DYM: variants seen among roughly 807,000 people sequenced by gnomAD.
DYM encodes dymeclin, also known as dyggve-Melchior-Clausen syndrome protein.
Under a neutral mutation model 93.1 loss-of-function variants are expected in DYM, and 78 were observed. The ratio of observed to expected loss-of-function variants is 0.84; its 90% confidence interval spans 0.70 to 1.01. DYM has a LOEUF of 1.01. DYM is among the 50% of genes least tolerant of loss of function. The probability of loss-of-function intolerance (pLI) is 0.00; values close to 1 mark genes in which losing one functional copy is unlikely to be tolerated. For synonymous variants in DYM, 321 were observed against 319.7 expected, an observed-to-expected ratio of 1.00 and a Z score of -0.04; for missense variants, 789 against 845.0, an observed-to-expected ratio of 0.93 and a Z score of 0.82.
chr18:49,053,445 C>T (rs1568346221), intron 17 of DYM, among the ~76,000 whole-genome samples: 1 of 152,170 alleles, frequency 6.6e-6, no homozygotes, highest in Non-Finnish European at 1.5e-5. Flanking sequence ...AATTTAAAAT[C>T]CAATAGCTAC....
At position 49,159,310 on chromosome 18, in the gene DYM, A is replaced by G. The variant is rs191704037; in HGVS notation, c.1728+4375T>C. Among the ~76,000 whole-genome samples, 4 of 152,332 alleles carry G rather than the reference A, an allele frequency of 2.6e-5. 1 individual carries two copies. Among genetic ancestry groups the G allele is most frequent in the Admixed American group, 2.0e-4 (3 of 15,302 alleles). On this transcript the variant is annotated intron_variant, in intron 15 of 17. Transcript: ENST00000675505. The stretch of plus-strand genomic sequence containing the variant: ...AAAGGATGGGGTGGAAAATAGAAAC[A>G]TCTCTGAATTTAAATTTTGTCATAT...
intron 6 of DYM, among the ~76,000 whole-genome samples, chr18:49,362,518 A>G (rs1201382408): frequency 7.2e-5 from 11 of 152,214 alleles, no homozygotes; most frequent in Admixed American, 1.3e-4. Flanking sequence ...CAGCAGCTCA[A>G]TGACATCAAA....
intron 5 of DYM, among the ~76,000 whole-genome samples, chr18:49,373,481 G>A (rs769687571): frequency 1.8e-4 from 28 of 152,148 alleles, no homozygotes; most frequent in Non-Finnish European, 2.9e-4. Context: ...GTAGCAGTAA[G>A]GATGACCAGA....
At chr18:49,447,714 T>C (rs6507909) in intron 1 of DYM, among the ~76,000 whole-genome samples, 12,158 of 152,248 alleles carry the variant, frequency 0.08, 689 homozygotes, top group African/African-American at 0.15. Context: ...TTTCCTATTG[T>C]AATCTCCTCC....
chr18:49,157,014 G>A (rs569452615), intron 15 of DYM, among the ~76,000 whole-genome samples: 4 of 152,118 alleles, frequency 2.6e-5, no homozygotes, highest in Admixed American at 2.0e-4. Flanking sequence ...CCATTTCTTT[G>A]TTCTTGGTGG....
At chr18:49,119,180 A>G (rs2082162188) in intron 15 of DYM, among the ~76,000 whole-genome samples, 1 of 152,202 alleles carries the variant, frequency 6.6e-6, no homozygotes, top group Non-Finnish European at 1.5e-5. Context: ...AGACTTACCA[A>G]TCTAGAGGGA....
intron 1 of DYM, among the ~76,000 whole-genome samples, chr18:49,453,774 T>C (rs544161292): frequency 1.2e-4 from 19 of 152,322 alleles, no homozygotes; most frequent in African/African-American, 4.6e-4. Context: ...CCGAGTTTGC[T>C]AGAACTTCTT....
chr18:49,108,091 A>C (rs1451867864), intron 16 of DYM, among the ~76,000 whole-genome samples: 3 of 152,122 alleles, frequency 2.0e-5, no homozygotes, highest in Non-Finnish European at 4.4e-5. Context: ...TTACCTACTC[A>C]AGCCTTGGCA....
At chr18:49,297,597 T>C (rs981337175) in intron 8 of DYM, among the ~76,000 whole-genome samples, 4 of 152,224 alleles carry the variant, frequency 2.6e-5, no homozygotes, top group Non-Finnish European at 5.9e-5. Context: ...ACTGTATGTA[T>C]CCCTTTTTGT....
At chr18:49,048,828 C>T (rs971530001) in intron 17 of DYM, among the ~76,000 whole-genome samples, 1 of 152,156 alleles carries the variant, frequency 6.6e-6, no homozygotes, top group Non-Finnish European at 1.5e-5. Flanking sequence ...TCCTTCCCAC[C>T]ACCTGGTACA....
At chr18:49,301,746 CTT>C (rs2060950958) in intron 8 of DYM, among the ~76,000 whole-genome samples, 1 of 152,122 alleles carries the variant, frequency 6.6e-6, no homozygotes, top group Non-Finnish European at 1.5e-5. Flanking sequence ...AATATTAGAG[CTT>C]TGTTTTTCAT....
intron 14 of DYM, among the ~76,000 whole-genome samples, chr18:49,198,597 C>T (rs918492836): frequency 1.8e-4 from 27 of 152,114 alleles, no homozygotes; most frequent in Non-Finnish European, 2.5e-4. Flanking sequence ...CAAAAGAAGA[C>T]ATTTATGCAG....
rs1025590118 is a variant in DYM, at chr18:49,189,706, G to A, written c.1625+19845C>T. Reference sequence around the variant, plus strand: ...TTCTGTAGAACCACAAATTATTACTGTATATAGAGTCAATGCACAGGTTAT... The same window carrying A: ...TTCTGTAGAACCACAAATTATTACTATATATAGAGTCAATGCACAGGTTAT... On this transcript the variant is annotated intron_variant, in intron 14 of 17. Coordinates refer to ENST00000675505, the MANE Select transcript of DYM (RefSeq NM_001353214.3). Among the ~76,000 whole-genome samples, 2 of 152,096 alleles carry A rather than the reference G, an allele frequency of 1.3e-5. 1 individual carries two copies. The highest frequency in any genetic ancestry group is 1.3e-4 in the Admixed American group (2 of 15,258).
intron 17 of DYM, among the ~76,000 whole-genome samples, chr18:49,059,396 C>T (rs777847252): frequency 2.3e-4 from 35 of 152,222 alleles, no homozygotes; most frequent in Non-Finnish European, 4.4e-4. Context: ...AGGTGACCTG[C>T]TCACCCATGC....
intron 15 of DYM, among the ~76,000 whole-genome samples, chr18:49,130,825 C>A (rs543402445): frequency 6.6e-6 from 1 of 152,080 alleles, no homozygotes; most frequent in African/African-American, 2.4e-5. Flanking sequence ...AAGTACAAGG[C>A]GCTATGGGAG....
intron 13 of DYM, among the ~76,000 whole-genome samples, chr18:49,216,984 G>A (rs1032336795): frequency 6.6e-6 from 1 of 152,138 alleles, no homozygotes; most frequent in Non-Finnish European, 1.5e-5. Flanking sequence ...CAAACCGAAG[G>A]CAAAGAAGTT....
At chr18:49,128,079 CTG>C (rs1343692033) in intron 15 of DYM, among the ~76,000 whole-genome samples, 2 of 152,240 alleles carry the variant, frequency 1.3e-5, no homozygotes, top group Admixed American at 1.3e-4. Flanking sequence ...GACAAGAGAA[CTG>C]TGGCTGCTAG....
At chr18:49,285,675 C>T (rs907332542) in intron 9 of DYM, among the ~76,000 whole-genome samples, 1 of 152,236 alleles carries the variant, frequency 6.6e-6, no homozygotes, top group Non-Finnish European at 1.5e-5. Flanking sequence ...TCTAAGTACA[C>T]TATGATATTC....
At chr18:49,222,629 C>G (rs188835876) in intron 13 of DYM, among the ~76,000 whole-genome samples, 11 of 151,968 alleles carry the variant, frequency 7.2e-5, no homozygotes, top group African/African-American at 2.7e-4. Context: ...ACAATATGAA[C>G]AGAGGTTCAT....
Sources: allele counts gnomAD v4.1 joint callset (sites outside exome capture counted in the v4.1 genomes callset), GRCh38; gene constraint gnomAD v4.1.1; transcripts MANE v1.5; gene names NCBI Gene and HGNC (gene_info 2026-07-23, HGNC 2026-07-21).